Variants in DLGAP1 observed in about 807,000 individuals in gnomAD.
DLGAP1 encodes disks large-associated protein 1.
In DLGAP1, 11 loss-of-function variants were observed where a neutral mutation model predicts 90.8. The ratio of observed to expected loss-of-function variants is 0.12; its 90% CI spans 0.08 to 0.20. The LOEUF (loss-of-function observed/expected upper bound fraction) is 0.20. DLGAP1 is among the 10% of genes least tolerant of loss of function. DLGAP1 has a pLI of 1.00. For synonymous variants in DLGAP1, 558 were observed against 540.7 expected, an observed-to-expected ratio of 1.03 and a Z score of -0.44; for missense variants, 1,050 against 1,333.8, an observed-to-expected ratio of 0.79 and a Z score of 3.31.
rs146894042 is a variant in DLGAP1 at position 4,221,944 on chromosome 18, A to G, written c.-266-70657T>C. On this transcript the variant is annotated intron_variant, in intron 1 of 12. Coordinates refer to ENST00000315677, the MANE Select transcript of DLGAP1 (RefSeq NM_004746.4). ...CTTTTTGAAACAGTCTTTTCAGAAG[A>G]ATCTCTTGCATCTTTGAACACGAAT... Among the ~76,000 whole-genome samples the G allele has an allele frequency of 2.2e-3, 329 of 152,242 alleles. 1 individual carries two copies. The highest frequency in any genetic ancestry group is 7.5e-3 in the African/African-American group (311 of 41,544).
chr18:3,510,198 A>G (rs2050462016), intron 10 of DLGAP1, among the ~76,000 whole-genome samples: 1 of 152,252 alleles, frequency 6.6e-6, no homozygotes, highest in East Asian at 1.9e-4. Flanking sequence ...AGTCCTCAAT[A>G]GCTACTGCCT....
At chr18:4,343,161 G>T (rs2081231214) in intron 1 of DLGAP1, among the ~76,000 whole-genome samples, 1 of 151,970 alleles carries the variant, frequency 6.6e-6, no homozygotes, top group Non-Finnish European at 1.5e-5. Context: ...CAAAAAATTA[G>T]CCGGGCGTGG....
intron 1 of DLGAP1, among the ~76,000 whole-genome samples, chr18:4,338,443 T>C (rs2081119366): frequency 6.6e-6 from 1 of 152,218 alleles, no homozygotes; most frequent in Non-Finnish European, 1.5e-5. Flanking sequence ...GGCCTTTTAT[T>C]ATCCTTGTAA....
intron 1 of DLGAP1, among the ~76,000 whole-genome samples, chr18:4,426,640 G>A (rs7227370): frequency 1.5e-3 from 231 of 152,182 alleles, no homozygotes; most frequent in African/African-American, 5.4e-3. Context: ...CATAAAATGT[G>A]GACAAGAATA....
chr18:3,805,450 A>G (rs1378832863), intron 5 of DLGAP1, among the ~76,000 whole-genome samples: 1 of 152,224 alleles, frequency 6.6e-6, no homozygotes. Context: ...GGGGGCGTCA[A>G]TACAAATTGG....
chr18:3,500,064 A>C (rs2049849863), intron 12 of DLGAP1, among the ~76,000 whole-genome samples: 1 of 152,088 alleles, frequency 6.6e-6, no homozygotes, highest in South Asian at 2.1e-4. Context: ...AGAGTTAATT[A>C]AGTCAGTTCC....
intron 1 of DLGAP1, among the ~76,000 whole-genome samples, chr18:4,228,554 C>CA (rs2078239082): frequency 6.6e-6 from 1 of 151,792 alleles, no homozygotes; most frequent in Admixed American, 6.6e-5. Flanking sequence ...AATCCATCAA[C>CA]ACATCATATC....
At chr18:3,559,945 T>C (rs2053981140) in intron 9 of DLGAP1, among the ~76,000 whole-genome samples, 1 of 151,942 alleles carries the variant, frequency 6.6e-6, no homozygotes, top group Admixed American at 6.6e-5. Context: ...TATAACACTA[T>C]GACACTTCAC....
At chr18:4,125,988 C>G (rs1336774247) in intron 2 of DLGAP1, among the ~76,000 whole-genome samples, 2 of 152,142 alleles carry the variant, frequency 1.3e-5, no homozygotes, top group African/African-American at 4.8e-5. Flanking sequence ...ACTTGATGAG[C>G]AAGGCAGTTT....
chr18:3,509,622 C>T (rs1341810058), intron 10 of DLGAP1, among the ~76,000 whole-genome samples: 1 of 152,180 alleles, frequency 6.6e-6, no homozygotes, highest in Non-Finnish European at 1.5e-5. Context: ...GCACTTGCCT[C>T]TCTGGAAATC....
At chr18:4,367,299 C>G (rs1158185730) in intron 1 of DLGAP1, among the ~76,000 whole-genome samples, 1 of 151,748 alleles carries the variant, frequency 6.6e-6, no homozygotes, top group African/African-American at 2.4e-5. Flanking sequence ...AATAAACTAG[C>G]CAATGTCAAA....
chr18:3,738,048 C>T (rs1469799498), intron 6 of DLGAP1, among the ~76,000 whole-genome samples: 2 of 151,600 alleles, frequency 1.3e-5, no homozygotes, highest in African/African-American at 4.9e-5. Flanking sequence ...AATAAAATAC[C>T]TACGAATCCA....
intron 1 of DLGAP1, among the ~76,000 whole-genome samples, chr18:4,373,970 A>C (rs755391682): frequency 2.3e-4 from 35 of 152,204 alleles, no homozygotes; most frequent in Non-Finnish European, 4.0e-4. Context: ...AAAGAACCTG[A>C]AAGCATTTAA....
chr18:3,552,659 C>A (rs76419364), intron 9 of DLGAP1, among the ~76,000 whole-genome samples: 2,379 of 152,312 alleles, frequency 0.016, 59 homozygotes, highest in African/African-American at 0.055. Flanking sequence ...CTGCTCTCAA[C>A]TATGCTGGTC....
rs571689280 is a variant in DLGAP1, at chr18:3,746,670, T to C, written c.1173-4158A>G. Among the ~76,000 whole-genome samples the C allele has an allele frequency of 2.8e-3, 433 of 152,038 alleles. 3 individuals are homozygous for C. Among genetic ancestry groups the C allele is most frequent in the African/African-American group, 9.9e-3 (412 of 41,482 alleles). On this transcript the variant is annotated intron_variant, in intron 5 of 12. Transcript: ENST00000315677. ...CTATAAAGAGGGAATCATAAGAAAA[T>C]AAATATATAAATTCACAGGAAAGTA... is the stretch of plus-strand genomic sequence containing the variant.
At chr18:4,011,021 C>T (rs776513511) in intron 2 of DLGAP1, among the ~76,000 whole-genome samples, 1 of 151,546 alleles carries the variant, frequency 6.6e-6, no homozygotes. Flanking sequence ...ACTAAAAATA[C>T]AAAAATTAGC....
chr18:3,608,768 G>C (rs2057448509), intron 7 of DLGAP1, among the ~76,000 whole-genome samples: 1 of 152,292 alleles, frequency 6.6e-6, no homozygotes, highest in Admixed American at 6.5e-5. Context: ...TTGCCCTACT[G>C]TCCCCCAGTT....
chr18:4,205,174 A>T (rs1266267735), intron 1 of DLGAP1, among the ~76,000 whole-genome samples: 1 of 152,160 alleles, frequency 6.6e-6, no homozygotes, highest in African/African-American at 2.4e-5. Context: ...TCACATGTGA[A>T]CATGGCCTTT....
At chr18:4,164,634 C>T (rs143672434) in intron 1 of DLGAP1, among the ~76,000 whole-genome samples, 1,830 of 152,092 alleles carry the variant, frequency 0.012, 23 homozygotes, top group Non-Finnish European at 0.018. Context: ...GAGCCAAGAT[C>T]GCACCACTGC....
Sources: allele counts gnomAD v4.1 joint callset (sites outside exome capture counted in the v4.1 genomes callset), GRCh38; gene constraint gnomAD v4.1.1; transcripts MANE v1.5; gene names NCBI Gene and HGNC (gene_info 2026-07-23, HGNC 2026-07-21).